Variants in SAMD4B observed in about 807,000 individuals in gnomAD.
SAMD4B encodes sterile alpha motif domain containing 4B, also known as protein Smaug homolog 2.
Under a neutral mutation model 74.5 loss-of-function variants are expected in SAMD4B, and 5 were observed. That is an observed-to-expected ratio of 0.07 (90% CI 0.04 to 0.14). SAMD4B has a LOEUF of 0.14. Among genes scored for constraint, SAMD4B ranks in the 10% least tolerant of loss-of-function variants. SAMD4B has a pLI of 1.00. For missense variants in SAMD4B, 608 were observed against 921.8 expected (o/e 0.66, Z 4.41); for synonymous variants, 373 against 374.9 (o/e 1.00, Z 0.06).
Position 39,375,568 on chromosome 19 carries a change from T to C in SAMD4B, c.668-82T>C. On this transcript the variant is annotated intron_variant, in intron 4 of 13. Coordinates refer to ENST00000610417, the MANE Select transcript of SAMD4B (RefSeq NM_001384574.2). This position sits in a 1 kb window ranked among gnomAD's most constrained non-coding sequence, Gnocchi z 4.1. ...GGCAGGTTATGGGGCCAAACTGCCATCCTGGCACTGACGGCAGGGGGATGG... is the reference window on the plus strand; with the variant it reads ...GGCAGGTTATGGGGCCAAACTGCCACCCTGGCACTGACGGCAGGGGGATGG... The C allele has an allele frequency of 6.5e-7, 1 of 1,539,850 alleles. No homozygotes were observed.
intron 1 of SAMD4B, among the ~76,000 whole-genome samples, chr19:39,347,728 G>A (rs1420535970): frequency 6.6e-6 from 1 of 152,180 alleles, no homozygotes; most frequent in African/African-American, 2.4e-5. Flanking sequence ...GTTTTGTTTT[G>A]TTTGTTTTAG....
Position 39,370,818 on chromosome 19 carries a change from A to G in SAMD4B, c.667+693A>G, listed in dbSNP as rs867013385. ...ACTCTTTTATAGACACTTTTCAGGT[A>G]TGATCTCAGTCCGCATCACAACCGT... On this transcript the variant is annotated intron_variant, in intron 4 of 13. Coordinates refer to ENST00000610417, the MANE Select transcript of SAMD4B (RefSeq NM_001384574.2). Among the ~76,000 whole-genome samples, 10 of 152,368 alleles carry G rather than the reference A, an allele frequency of 6.6e-5. No individual in the cohort carries two copies. In the Middle Eastern group the frequency reaches 0.017, roughly 259 times the overall value.
chr19:39,354,143 T>A (rs950039600), intron 2 of SAMD4B, 77 bp downstream of exon 2: 1 of 152,216 alleles, frequency 6.6e-6, no homozygotes, highest in Non-Finnish European at 1.5e-5. Flanking sequence ...ACTAGCTCCG[T>A]GATCAAAGTG....
Position 39,383,069 on chromosome 19 carries a change from T to C in SAMD4B, c.1973-139T>C. 1.4e-6 allele frequency: 1 copy of C among 724,846 alleles called. No individual in the cohort carries two copies. The highest frequency in any genetic ancestry group is 1.5e-5 in the South Asian group (1 of 64,760). 44.9% of individuals were successfully genotyped at this position (724,846 alleles called of 1,614,324 possible). On this transcript the variant is annotated intron_variant, in intron 12 of 13. Transcript: ENST00000610417. This position sits in a 1 kb window ranked among gnomAD's most constrained non-coding sequence, Gnocchi z 4.1. ...TGTGTGACACGCTCGCCTCTCTCCC[T>C]GTCCACCTCCTCCCGTTCTTCCCTC...
chr19:39,385,838 G>A (rs2078233817), downstream of SAMD4B: 1 of 1,140,210 alleles, frequency 8.8e-7, no homozygotes, highest in Non-Finnish European at 1.2e-6. Context: ...CATCATAGGG[G>A]CTGGGAGGGG....
intron 9 of SAMD4B, among the ~76,000 whole-genome samples, chr19:39,379,666 G>A (rs2077834049): frequency 6.6e-6 from 1 of 152,038 alleles, no homozygotes; most frequent in African/African-American, 2.4e-5. Context: ...CGCCTCCCAG[G>A]TTCAAGTGAT....
At chr19:39,385,970 C>T (rs1381802303), downstream of SAMD4B, 2 of 1,612,356 alleles carry the variant, frequency 1.2e-6, no homozygotes, top group East Asian at 4.5e-5. Context: ...GTGTCTGAAC[C>T]AGCCCTGAAT....
intron 1 of SAMD4B, chr19:39,349,760 C>T (rs1313434034): frequency 6.6e-6 from 1 of 152,234 alleles, no homozygotes; most frequent in African/African-American, 2.4e-5. Context: ...TCCCCTTATT[C>T]ATCCAGAGAT....
chr19:39,383,515 C>G lies in SAMD4B; in HGVS notation c.2073C>G (p.Thr691=). The change falls in exon 14 of 14, where the codon ACC becomes ACG. Residue 691 remains threonine, a synonymous_variant. Transcript: ENST00000610417. This position sits in a 1 kb window ranked among gnomAD's most constrained non-coding sequence, Gnocchi z 4.1. ...EHALGDGTDK[T]STI is the part of the protein sequence containing the mutation. The stretch of plus-strand genomic sequence containing the variant: ...TTACCACAGATGGGACAGACAAAAC[C>G]TCCACCATCTGACGGGACCCACAGC... 6.2e-7 allele frequency: 1 copy of G among 1,614,236 alleles called. No individual in the cohort carries two copies. Among genetic ancestry groups the G allele is most frequent in the Non-Finnish European group, 8.5e-7 (1 of 1,180,040 alleles).
chr19:39,343,988 C>A (rs1482978392), intron 1 of SAMD4B, among the ~76,000 whole-genome samples: 1 of 80,918 alleles, frequency 1.2e-5, no homozygotes, highest in African/African-American at 3.7e-5. Flanking sequence ...CAGGACCCCC[C>A]CCCCCCACAC....
intron 1 of SAMD4B, among the ~76,000 whole-genome samples, chr19:39,343,219 C>T (rs1416207538): frequency 6.6e-6 from 1 of 151,848 alleles, no homozygotes; most frequent in African/African-American, 2.4e-5. Flanking sequence ...AACAGGCTCA[C>T]CCGACTTCCC....
At chr19:39,385,844 AG>A (rs1459147430), downstream of SAMD4B, 10 of 1,181,724 alleles carry the variant, frequency 8.5e-6, no homozygotes, top group Non-Finnish European at 1.1e-5. Context: ...AGGGGCTGGG[AG>A]GGGAAGTAAA....
In SAMD4B at chr19:39,385,549, A is replaced by C; in HGVS notation, c.*2022A>C. 1 of 483,256 alleles carries C rather than the reference A, an allele frequency of 2.1e-6. No individual in the cohort carries two copies. Among genetic ancestry groups the C allele is most frequent in the Non-Finnish European group, 3.6e-6 (1 of 277,652 alleles). 29.9% of individuals were successfully genotyped at this position (483,256 alleles called of 1,614,324 possible). A position where few individuals can be genotyped will look rare whatever the true frequency, so the allele number is the denominator to read the frequency against. On this transcript the variant is annotated 3_prime_UTR_variant, in exon 14 of 14. Transcript: ENST00000610417. ...CCTCCTCCATGATTTCACCCTCCCT[A>C]CCCACTTCTGTCCCCGGCCCCACTG...
chr19:39,378,614 AAAAGGG>A lies in SAMD4B; in HGVS notation c.1530+31_1530+36del. On this transcript the variant is annotated intron_variant, in intron 9 of 13. Coordinates refer to ENST00000610417, the MANE Select transcript of SAMD4B (RefSeq NM_001384574.2). The surrounding 1 kb of genome is among the most constrained non-coding windows in gnomAD (Gnocchi z 4.4). ...GGTAAGGCCTTCCCTAGCATACTCA[AAAAGGG>A]AAAGGCGGCCAGGCGTGGTGGTTCA... 6.2e-7 allele frequency: 1 copy of A among 1,605,596 alleles called. No individual in the cohort carries two copies. The highest frequency in any genetic ancestry group is 1.1e-5 in the South Asian group (1 of 90,908).
downstream of SAMD4B, chr19:39,385,815 C>T (rs751964129): frequency 8.3e-6 from 8 of 959,206 alleles, no homozygotes; most frequent in Non-Finnish European, 1.1e-5. Flanking sequence ...GAGGTATGTG[C>T]TGGGCTGAAT....
chr19:39,360,831 C>T (rs2076603589), intron 3 of SAMD4B, among the ~76,000 whole-genome samples: 1 of 152,148 alleles, frequency 6.6e-6, no homozygotes, highest in Admixed American at 6.5e-5. Context: ...TGTTACAATC[C>T]AGATTTCTGC....
chr19:39,374,748 G>A (rs2077505411), intron 4 of SAMD4B, among the ~76,000 whole-genome samples: 1 of 152,178 alleles, frequency 6.6e-6, no homozygotes, highest in Non-Finnish European at 1.5e-5. Flanking sequence ...GGCTGAGGCA[G>A]GGGAATTGCT....
intron 11 of SAMD4B, 68 bp downstream of exon 11, chr19:39,380,853 G>T: frequency 6.6e-7 from 1 of 1,508,430 alleles, no homozygotes. Context: ...ATGTCTATTT[G>T]CCTGTATACT....
rs2077688595 is a variant in SAMD4B at position 39,377,702 on chromosome 19, C to T, written c.1322C>T (p.Pro441Leu). 1.2e-6 allele frequency: 2 copies of T among 1,614,134 alleles called. No individual in the cohort carries two copies. Among genetic ancestry groups the T allele is most frequent in the Non-Finnish European group, 1.7e-6 (2 of 1,180,046 alleles). ...GACAAAGGCACCGAGGCCAAGGACC[C>T]TCCAGCTGTGGAGAACTACCCACCT... ...GTDKGTEAKDPPAVENYPPPP... is the reference protein window; with the variant it reads ...GTDKGTEAKDLPAVENYPPPP... The change falls in exon 8 of 14, where the codon CCT (proline) becomes CTT (leucine). Residue 441 changes from proline to leucine, a missense_variant. Around this residue, in one of 9 missense-constraint regions of SAMD4B, gnomAD observed 99 missense variants for 112.1 expected, o/e 0.88. Transcript: ENST00000610417.
Sources: gnomAD v4.1 joint callset for allele counts (sites outside exome capture counted in the v4.1 genomes callset) on GRCh38, gnomAD v4.1.1 for gene constraint, gnomAD v4.1.1 regional missense constraint, Gnocchi (gnomAD v3.1) non-coding constraint, MANE v1.5 for transcripts, NCBI Gene and HGNC (gene_info 2026-07-23, HGNC 2026-07-21) for gene names.